CACNG3: variants seen among roughly 807,000 people sequenced by gnomAD.
CACNG3 encodes the protein voltage-dependent calcium channel gamma-3 subunit.
A neutral mutation model predicts 28.5 loss-of-function variants in CACNG3; 3 were observed. That is an observed-to-expected ratio of 0.11 (90% CI 0.05 to 0.27). The LOEUF is 0.27. Among genes scored for constraint, CACNG3 ranks in the 10% least tolerant of loss-of-function variants. The pLI is 1.00. For missense variants in CACNG3, 236 were observed against 414.4 expected (o/e 0.57, Z 3.74); for synonymous variants, 174 against 162.2 (o/e 1.07, Z -0.55).
chr16:24,357,172 T>C (rs140883508), intron 3 of CACNG3, among the ~76,000 whole-genome samples: 118 of 148,702 alleles, frequency 7.9e-4, no homozygotes, highest in African/African-American at 2.3e-3. Flanking sequence ...AGGCAGAGGT[T>C]GCAGTGAGCC....
At chr16:24,282,250 A>G (rs767402652) in intron 1 of CACNG3, among the ~76,000 whole-genome samples, 1 of 152,190 alleles carries the variant, frequency 6.6e-6, no homozygotes, top group Non-Finnish European at 1.5e-5. Context: ...AACAGAGACT[A>G]GAATCCTATG....
At chr16:24,289,560 C>A (rs980132701) in intron 1 of CACNG3, among the ~76,000 whole-genome samples, 25 of 152,210 alleles carry the variant, frequency 1.6e-4, no homozygotes, top group African/African-American at 6.0e-4. Context: ...GCCATCAACA[C>A]AATGGGTGGC....
chr16:24,349,172 C>T (rs1899908654), intron 2 of CACNG3, among the ~76,000 whole-genome samples: 1 of 152,212 alleles, frequency 6.6e-6, no homozygotes, highest in Non-Finnish European at 1.5e-5. Context: ...CTTTCCTGAC[C>T]CACAACCCTG....
intron 1 of CACNG3, among the ~76,000 whole-genome samples, chr16:24,265,763 G>C (rs773164278): frequency 1.6e-4 from 24 of 152,124 alleles, no homozygotes; most frequent in South Asian, 4.1e-4. Context: ...CCTAAATGTT[G>C]TCAATAAAAA....
chr16:24,310,494 A>T (rs917811150), intron 1 of CACNG3, among the ~76,000 whole-genome samples: 3 of 152,088 alleles, frequency 2.0e-5, no homozygotes, highest in African/African-American at 4.8e-5. Flanking sequence ...AGCCCAAGAG[A>T]TGGAGGTTGC....
chr16:24,265,155 T>C (rs925960797), intron 1 of CACNG3, among the ~76,000 whole-genome samples: 1 of 151,914 alleles, frequency 6.6e-6, no homozygotes, highest in African/African-American at 2.4e-5. Flanking sequence ...AGTGGGAGGA[T>C]GATTAGAGCC....
chr16:24,316,744 A>G (rs994108633), intron 1 of CACNG3, among the ~76,000 whole-genome samples: 1 of 152,174 alleles, frequency 6.6e-6, no homozygotes, highest in African/African-American at 2.4e-5. Context: ...CCTGGAAGTG[A>G]GTGACACGGT....
At chr16:24,262,863 G>A (rs1190307855) in intron 1 of CACNG3, among the ~76,000 whole-genome samples, 1 of 152,206 alleles carries the variant, frequency 6.6e-6, no homozygotes, top group African/African-American at 2.4e-5. Flanking sequence ...ATAAAGGCAA[G>A]TGACCTTCAT....
chr16:24,294,532 G>C (rs1159130500), intron 1 of CACNG3, among the ~76,000 whole-genome samples: 1 of 152,156 alleles, frequency 6.6e-6, no homozygotes, highest in African/African-American at 2.4e-5. Context: ...CTAGGTGGAT[G>C]ATGATGATGA....
intron 2 of CACNG3, among the ~76,000 whole-genome samples, chr16:24,349,928 C>T (rs578026688): frequency 8.7e-4 from 133 of 152,300 alleles, no homozygotes; most frequent in African/African-American, 3.1e-3. Flanking sequence ...GAGACTTCCA[C>T]GACACAGCAC....
intron 1 of CACNG3, among the ~76,000 whole-genome samples, chr16:24,266,893 GGA>G (rs916566443): frequency 3.3e-5 from 5 of 152,066 alleles, no homozygotes; most frequent in Non-Finnish European, 7.4e-5. Context: ...CAAGGAAGCT[GGA>G]GAGAGAGAGG....
chr16:24,334,269 T>C (rs1899671388), intron 1 of CACNG3, among the ~76,000 whole-genome samples: 1 of 152,160 alleles, frequency 6.6e-6, no homozygotes, highest in African/African-American at 2.4e-5. Flanking sequence ...GCTGGACTCA[T>C]GCTGAGATGG....
intron 1 of CACNG3, among the ~76,000 whole-genome samples, chr16:24,345,574 C>A (rs1899852176): frequency 6.6e-6 from 1 of 152,122 alleles, no homozygotes; most frequent in African/African-American, 2.4e-5. Context: ...GTGGCAGGTG[C>A]CTGTAATCCC....
chr16:24,317,648 A>AAAAG (rs1158587996), intron 1 of CACNG3, among the ~76,000 whole-genome samples: 3,646 of 54,758 alleles, frequency 0.067, 167 homozygotes, highest in Middle Eastern at 0.082. Flanking sequence ...GAAAGAAAAG[A>AAAAG]AAAGAAAGAA....
At chr16:24,309,298 A>G (rs576051860) in intron 1 of CACNG3, among the ~76,000 whole-genome samples, 10 of 152,324 alleles carry the variant, frequency 6.6e-5, no homozygotes, top group Admixed American at 5.9e-4. Flanking sequence ...GTGCTATGAG[A>G]TAAGGGAGTC....
At chr16:24,350,788 T>C (rs1899930134) in intron 2 of CACNG3, among the ~76,000 whole-genome samples, 1 of 152,214 alleles carries the variant, frequency 6.6e-6, no homozygotes, top group South Asian at 2.1e-4. Flanking sequence ...ATGATCCCTT[T>C]AAAGGTTAGT....
At chr16:24,285,346 C>T (rs868302337) in intron 1 of CACNG3, among the ~76,000 whole-genome samples, 2 of 152,082 alleles carry the variant, frequency 1.3e-5, no homozygotes, top group African/African-American at 2.4e-5. Context: ...AAGAGTAACC[C>T]GTTTACTGCA....
intron 2 of CACNG3, among the ~76,000 whole-genome samples, chr16:24,348,176 T>C (rs1899895000): frequency 6.6e-6 from 1 of 151,996 alleles, no homozygotes; most frequent in African/African-American, 2.4e-5. Flanking sequence ...GGTGGGAGGA[T>C]CACTTGAAGC....
At chr16:24,339,502 C>T (rs1003208769) in intron 1 of CACNG3, among the ~76,000 whole-genome samples, 28 of 152,072 alleles carry the variant, frequency 1.8e-4, no homozygotes, top group East Asian at 7.7e-4. Context: ...TCTCCTGCTT[C>T]GGCACCCTGA....
Sources: gnomAD v4.1 joint callset for allele counts (sites outside exome capture counted in the v4.1 genomes callset) on GRCh38, gnomAD v4.1.1 for gene constraint, MANE v1.5 for transcripts, NCBI Gene and HGNC (gene_info 2026-07-23, HGNC 2026-07-21) for gene names.